Variants in GLT1D1 observed in about 807,000 individuals in gnomAD.
The protein encoded by GLT1D1 is glycosyltransferase 1 domain containing 1, also known as glycosyltransferase 1 domain-containing protein 1.
GLT1D1 carries 21 observed loss-of-function variants against 28.7 expected under a neutral mutation model. That is an observed-to-expected ratio of 0.73 (90% CI 0.52 to 1.05). The LOEUF (loss-of-function observed/expected upper bound fraction) is 1.05. Among genes scored for constraint, GLT1D1 ranks in the 50% least tolerant of loss-of-function variants. GLT1D1 has a pLI of 0.00. For missense variants in GLT1D1, 343 were observed against 330.6 expected (o/e 1.04, Z -0.29); for synonymous variants, 147 against 124.8 (o/e 1.18, Z -1.19).
intron 1 of GLT1D1, among the ~76,000 whole-genome samples, chr12:128,874,480 CTTTTT>C (rs138457706): frequency 1.9e-5 from 2 of 106,778 alleles, no homozygotes; most frequent in African/African-American, 3.6e-5. Context: ...CTGTGGCTGG[CTTTTT>C]TTTTTTTTTT....
chr12:128,980,251 T>G (rs1341665306), intron 7 of GLT1D1, among the ~76,000 whole-genome samples: 1 of 152,190 alleles, frequency 6.6e-6, no homozygotes, highest in African/African-American at 2.4e-5. Flanking sequence ...AGGGTGTGTC[T>G]GCGACCCCAC....
intron 1 of GLT1D1, among the ~76,000 whole-genome samples, chr12:128,872,173 C>T (rs1169137125): frequency 6.6e-6 from 1 of 151,412 alleles, no homozygotes; most frequent in Non-Finnish European, 1.5e-5. Context: ...AGGCTGGTCT[C>T]GAACTCCTGA....
intron 1 of GLT1D1, among the ~76,000 whole-genome samples, chr12:128,867,290 G>A (rs1161091131): frequency 4.6e-5 from 7 of 151,436 alleles, no homozygotes; most frequent in East Asian, 2.0e-4. Context: ...GCATGTACTC[G>A]GGAGGCTGAC....
rs191189831 is a variant in GLT1D1 at position 128,910,325 on chromosome 12, T to C, written c.375+11038T>C. Among the ~76,000 whole-genome samples the C allele has an allele frequency of 1.1e-4, 16 of 151,880 alleles. 1 individual carries two copies. The East Asian group carries it at 2.7e-3, about 26-fold the overall frequency. The stretch of plus-strand genomic sequence containing the variant: ...TTTCTTGACAGGAACATTTTGAGTT[T>C]ATGTATTGCTAATTGCAGAGCCTAT... On this transcript the variant is annotated intron_variant, in intron 4 of 7. Coordinates refer to ENST00000281703, the MANE Select transcript of GLT1D1 (RefSeq NM_144669.3).
chr12:128,870,735 T>C (rs1451222213), intron 1 of GLT1D1, among the ~76,000 whole-genome samples: 2 of 152,212 alleles, frequency 1.3e-5, no homozygotes, highest in African/African-American at 2.4e-5. Flanking sequence ...CACACGCATG[T>C]AATCTCAGCA....
Position 128,875,953 on chromosome 12 carries a change from G to T in GLT1D1, c.108G>T (p.Lys36Asn). Residue 36 changes from lysine (K) to asparagine (N), a missense_variant, in exon 2 of 8, where the codon AAG (lysine) becomes AAT (asparagine). Lys to Asn is a moderately conservative substitution (Grantham distance 94, BLOSUM62 0). Transcript: ENST00000281703. ...CTGCAGGGCACGTGTGCGTTTTGAAGGATGCCTTTGACTTTGAAAGCCGAT... is the reference window on the plus strand; with the variant it reads ...CTGCAGGGCACGTGTGCGTTTTGAATGATGCCTTTGACTTTGAAAGCCGAT... 6.2e-7 allele frequency: 1 copy of T among 1,613,826 alleles called. No homozygotes were observed. Among genetic ancestry groups the T allele is most frequent in the Non-Finnish European group, 8.5e-7 (1 of 1,179,940 alleles).
At chr12:128,970,796 C>T (rs1024449834) in intron 7 of GLT1D1, among the ~76,000 whole-genome samples, 2 of 152,250 alleles carry the variant, frequency 1.3e-5, no homozygotes, top group Non-Finnish European at 2.9e-5. Flanking sequence ...GTCCCCGCAC[C>T]TGTGTCTGTG....
At chr12:128,927,426 G>C (rs1413632386) in intron 4 of GLT1D1, among the ~76,000 whole-genome samples, 3 of 151,892 alleles carry the variant, frequency 2.0e-5, no homozygotes, top group African/African-American at 4.8e-5. Context: ...TTTTAGTAGA[G>C]ACAGGGTTTC....
At chr12:128,891,235 A>G (rs1325945112) in intron 3 of GLT1D1, among the ~76,000 whole-genome samples, 2 of 152,228 alleles carry the variant, frequency 1.3e-5, no homozygotes, top group Admixed American at 6.5e-5. Context: ...AGAACTACCT[A>G]TACATGCATA....
chr12:128,969,540 C>T (rs534588326), intron 7 of GLT1D1, among the ~76,000 whole-genome samples: 30 of 152,258 alleles, frequency 2.0e-4, no homozygotes, highest in African/African-American at 7.0e-4. Context: ...TGAGCTGCTG[C>T]GCGGCAAGCA....
At chr12:128,915,991 A>G (rs1218382131) in intron 4 of GLT1D1, among the ~76,000 whole-genome samples, 3 of 150,532 alleles carry the variant, frequency 2.0e-5, no homozygotes, top group Non-Finnish European at 2.9e-5. Context: ...CCACCACTCA[A>G]GAAAGTTCTC....
At chr12:128,929,107 C>T (rs939844278) in intron 4 of GLT1D1, among the ~76,000 whole-genome samples, 16 of 152,208 alleles carry the variant, frequency 1.1e-4, no homozygotes, top group Non-Finnish European at 1.9e-4. Flanking sequence ...TCGCCCCTTC[C>T]ACCAAGCGAG....
chr12:128,915,065 A>G, intron 4 of GLT1D1, 76 bp downstream of exon 6: 1 of 1,223,258 alleles, frequency 8.2e-7, no homozygotes, highest in South Asian at 1.3e-5. Flanking sequence ...TGTGACGTTC[A>G]TGCGGTTTTG....
At chr12:128,899,568 G>A (rs1422096474) in intron 4 of GLT1D1, among the ~76,000 whole-genome samples, 1 of 70,736 alleles carries the variant, frequency 1.4e-5, no homozygotes, top group African/African-American at 5.6e-5. Flanking sequence ...TTTTTTTTTT[G>A]AGACGGAGTC....
intron 2 of GLT1D1, among the ~76,000 whole-genome samples, chr12:128,876,410 G>A (rs1013542201): frequency 9.2e-5 from 14 of 152,108 alleles, no homozygotes; most frequent in African/African-American, 3.1e-4. Flanking sequence ...CTGGGCTCAA[G>A]CAATCCTCCC....
At chr12:128,922,192 GTA>G (rs1555269066) in intron 4 of GLT1D1, among the ~76,000 whole-genome samples, 2 of 136,044 alleles carry the variant, frequency 1.5e-5, no homozygotes, top group South Asian at 2.5e-4. Flanking sequence ...GTGTGTGTGT[GTA>G]TACACACCAG....
chr12:128,980,710 G>A (rs936954931), intron 7 of GLT1D1, among the ~76,000 whole-genome samples: 11 of 152,346 alleles, frequency 7.2e-5, no homozygotes, highest in Admixed American at 2.0e-4. Context: ...CTCCAGGGCC[G>A]GGGCGCATGG....
intron 7 of GLT1D1, among the ~76,000 whole-genome samples, chr12:128,981,074 T>G (rs966980884): frequency 1.3e-5 from 2 of 152,210 alleles, no homozygotes; most frequent in African/African-American, 2.4e-5. Flanking sequence ...TGACTTAGGA[T>G]TCAAGAGAGA....
At chr12:128,970,792 G>A (rs912109478) in intron 7 of GLT1D1, among the ~76,000 whole-genome samples, 2 of 152,150 alleles carry the variant, frequency 1.3e-5, no homozygotes, top group Non-Finnish European at 2.9e-5. Context: ...CTCTGTCCCC[G>A]CACCTGTGTC....
Sources: gnomAD v4.1 joint callset for allele counts (sites outside exome capture counted in the v4.1 genomes callset) on GRCh38, gnomAD v4.1.1 for gene constraint, MANE v1.5 for transcripts, NCBI Gene and HGNC (gene_info 2026-07-23, HGNC 2026-07-21) for gene names.